NR3C1: variants seen among roughly 807,000 people sequenced by gnomAD.
NR3C1 encodes nuclear receptor subfamily 3 group C member 1.
A neutral mutation model predicts 74.0 loss-of-function variants in NR3C1; 14 were observed. The ratio of observed to expected loss-of-function variants is 0.19; its 90% CI spans 0.12 to 0.30. The LOEUF (loss-of-function observed/expected upper bound fraction) is 0.30, where lower values mean the gene tolerates loss of function less well. Among genes scored for constraint, NR3C1 ranks in the 10% least tolerant of loss-of-function variants. NR3C1 has a pLI of 1.00. For missense variants in NR3C1, 695 were observed against 909.8 expected (o/e 0.76, Z 3.04); for synonymous variants, 308 against 332.5 (o/e 0.93, Z 0.80).
intron 2 of NR3C1, among the ~76,000 whole-genome samples, chr5:143,390,304 T>TTA (rs1838004267): frequency 6.6e-6 from 1 of 152,200 alleles, no homozygotes; most frequent in African/African-American, 2.4e-5. Context: ...ACTCAAACTA[T>TTA]TTTATGAGTA....
intron 7 of NR3C1, among the ~76,000 whole-genome samples, chr5:143,288,118 A>T (rs978195912): frequency 9.3e-4 from 131 of 141,330 alleles, no homozygotes; most frequent in Non-Finnish European, 1.6e-3. Context: ...AACAACTGGA[A>T]TTTTTTTTTT....
chr5:143,412,022 A>G (rs992246499), intron 1 of NR3C1, among the ~76,000 whole-genome samples: 3 of 152,032 alleles, frequency 2.0e-5, no homozygotes, highest in African/African-American at 7.3e-5. Flanking sequence ...CAGCAGCTCT[A>G]TGAAAGAGAT....
chr5:143,378,118 G>T (rs1334656224), intron 2 of NR3C1, among the ~76,000 whole-genome samples: 1 of 152,056 alleles, frequency 6.6e-6, no homozygotes, highest in Non-Finnish European at 1.5e-5. Flanking sequence ...AAGGATGGTG[G>T]TGCACACCTA....
At chr5:143,405,387 C>G, upstream of NR3C1, 1 of 981,740 alleles carries the variant, frequency 1.0e-6, no homozygotes. Context: ...ATCTTGAAGA[C>G]GATTGGGGAA....
intron 7 of NR3C1, among the ~76,000 whole-genome samples, chr5:143,284,562 C>A (rs1262070788): frequency 6.6e-6 from 1 of 151,974 alleles, no homozygotes; most frequent in Non-Finnish European, 1.5e-5. Flanking sequence ...TTTTTCCCTG[C>A]CGGTTAGTCC....
At chr5:143,299,397 G>T (rs987002661) in intron 5 of NR3C1, among the ~76,000 whole-genome samples, 1 of 150,346 alleles carries the variant, frequency 6.7e-6, no homozygotes, top group African/African-American at 2.4e-5. Context: ...AAGTAAACAT[G>T]AACTAAATAG....
At chr5:143,396,641 A>C (rs983619040) in intron 2 of NR3C1, among the ~76,000 whole-genome samples, 1 of 151,850 alleles carries the variant, frequency 6.6e-6, no homozygotes, top group Admixed American at 6.5e-5. Flanking sequence ...TACTAATGAG[A>C]CATTAAAATC....
At chr5:143,306,249 C>T (rs1305791344) in intron 4 of NR3C1, among the ~76,000 whole-genome samples, 1 of 152,070 alleles carries the variant, frequency 6.6e-6, no homozygotes, top group Admixed American at 6.5e-5. Flanking sequence ...CACTTGGAGT[C>T]CTAAGTTACA....
chr5:143,327,227 G>C (rs773382368), intron 2 of NR3C1, among the ~76,000 whole-genome samples: 40 of 152,140 alleles, frequency 2.6e-4, no homozygotes, highest in Admixed American at 1.5e-3. Flanking sequence ...GGCAGCAGGA[G>C]AGAGAAAGAG....
intron 3 of NR3C1, 31 bp downstream of exon 3, chr5:143,313,971 G>T (rs769867891): frequency 1.2e-6 from 2 of 1,610,708 alleles, no homozygotes; most frequent in Admixed American, 3.3e-5. Flanking sequence ...ACCAAGTAGA[G>T]GAAAAATAAA....
intron 2 of NR3C1, among the ~76,000 whole-genome samples, chr5:143,367,730 T>C (rs910469928): frequency 3.3e-5 from 5 of 152,182 alleles, no homozygotes; most frequent in Admixed American, 1.3e-4. Context: ...AAAATATTAA[T>C]GAAAGAAACT....
At position 143,323,839 on chromosome 5, in the gene NR3C1, T is replaced by C. The variant is rs374056458; in HGVS notation, c.1185-9671A>G. Reference sequence around the variant, plus strand: ...ATACAGCTGTTCCAAATGGGAGAAATTGGCCAAAACAAAGGGGTTACGGGG... The same window carrying C: ...ATACAGCTGTTCCAAATGGGAGAAACTGGCCAAAACAAAGGGGTTACGGGG... On this transcript the variant is annotated intron_variant, in intron 2 of 8. Transcript: ENST00000394464. Among the ~76,000 whole-genome samples, 177 of 151,870 alleles carry C rather than the reference T, an allele frequency of 1.2e-3. 4 individuals are homozygous for C. The South Asian group carries it at 0.022, about 19-fold the overall frequency.
intron 1 of NR3C1, among the ~76,000 whole-genome samples, chr5:143,414,142 G>T (rs1345432426): frequency 2.6e-5 from 4 of 152,178 alleles, no homozygotes; most frequent in African/African-American, 9.7e-5. Flanking sequence ...TTACACAAAT[G>T]AATTGATGAT....
At chr5:143,376,624 T>C (rs1835250735) in intron 2 of NR3C1, among the ~76,000 whole-genome samples, 1 of 152,214 alleles carries the variant, frequency 6.6e-6, no homozygotes, top group African/African-American at 2.4e-5. Context: ...TTTATTGGCA[T>C]ATTTGTTGTC....
chr5:143,362,555 G>T (rs754525637), intron 2 of NR3C1, among the ~76,000 whole-genome samples: 1 of 151,896 alleles, frequency 6.6e-6, no homozygotes, highest in African/African-American at 2.4e-5. Flanking sequence ...TAGAGACAGG[G>T]TTTCACCGTG....
chr5:143,385,376 T>TC (rs2151899722), intron 2 of NR3C1, among the ~76,000 whole-genome samples: 1 of 152,354 alleles, frequency 6.6e-6, no homozygotes, highest in South Asian at 2.1e-4. Context: ...CTTGAATTGC[T>TC]CCCCAGAAAA....
At chr5:143,363,666 C>T (rs1293885874) in intron 2 of NR3C1, among the ~76,000 whole-genome samples, 1 of 151,744 alleles carries the variant, frequency 6.6e-6, no homozygotes, top group African/African-American at 2.4e-5. Context: ...AAGTATAAAA[C>T]AGTATCTCAT....
At chr5:143,308,733 G>A (rs1156445129) in intron 4 of NR3C1, among the ~76,000 whole-genome samples, 2 of 151,988 alleles carry the variant, frequency 1.3e-5, no homozygotes, top group African/African-American at 2.4e-5. Context: ...TGTTCCTGTG[G>A]CCCTATGCCC....
chr5:143,410,242 C>T (rs961243506), intron 1 of NR3C1, among the ~76,000 whole-genome samples: 5 of 152,218 alleles, frequency 3.3e-5, no homozygotes, highest in African/African-American at 7.2e-5. Flanking sequence ...CAATCTGCCC[C>T]GCTGCTATGT....
Sources: allele counts gnomAD v4.1 joint callset (sites outside exome capture counted in the v4.1 genomes callset), GRCh38; gene constraint gnomAD v4.1.1; transcripts MANE v1.5; gene names NCBI Gene and HGNC (gene_info 2026-07-23, HGNC 2026-07-21).